TMCC3: variants seen among roughly 807,000 people sequenced by gnomAD.
The protein encoded by TMCC3 is transmembrane and coiled-coil domain family 3, also known as transmembrane and coiled-coil domain protein 3.
A neutral mutation model predicts 40.2 loss-of-function variants in TMCC3; 28 were observed. The ratio of observed to expected loss-of-function variants is 0.70; its 90% CI spans 0.52 to 0.95. TMCC3 has a LOEUF of 0.95. Among genes scored for constraint, TMCC3 ranks in the 40% least tolerant of loss-of-function variants. The pLI is 0.00. For synonymous variants in TMCC3, 255 were observed against 248.5 expected, an observed-to-expected ratio of 1.03 and a Z score of -0.25; for missense variants, 554 against 615.2, an observed-to-expected ratio of 0.90 and a Z score of 1.05.
chr12:94,590,285 T>TTTC (rs1246281454), intron 1 of TMCC3, among the ~76,000 whole-genome samples: 1 of 145,636 alleles, frequency 6.9e-6, no homozygotes, highest in South Asian at 2.2e-4. Flanking sequence ...TTTTTTTTTT[T>TTTC]AGAAGAGATG....
At chr12:94,631,462 C>T (rs988813795) in intron 1 of TMCC3, among the ~76,000 whole-genome samples, 4 of 152,170 alleles carry the variant, frequency 2.6e-5, no homozygotes, top group South Asian at 2.1e-4. Flanking sequence ...GACACAGACA[C>T]GTAGAGGGAA....
chr12:94,627,723 G>A (rs1384403931), intron 1 of TMCC3, among the ~76,000 whole-genome samples: 4 of 152,196 alleles, frequency 2.6e-5, no homozygotes, highest in Non-Finnish European at 5.9e-5. Context: ...CCTGACAAGA[G>A]CTTTCTTTGA....
rs534661608 is a variant in TMCC3, at chr12:94,631,038, C to T, written c.78+19315G>A. Among the ~76,000 whole-genome samples, 63 of 152,256 alleles carry T rather than the reference C, an allele frequency of 4.1e-4. 1 individual carries two copies. The highest frequency in any genetic ancestry group is 1.5e-3 in the South Asian group (7 of 4,814). On this transcript the variant is annotated intron_variant, in intron 1 of 3. Transcript: ENST00000261226. ...GATTACATGCGTGAGCCACGGTGCC[C>T]GGCATAAATGTTTTCAATCAACATA...
At chr12:94,577,467 C>T (rs1193997752) in intron 3 of TMCC3, among the ~76,000 whole-genome samples, 7 of 152,066 alleles carry the variant, frequency 4.6e-5, no homozygotes, top group Admixed American at 2.6e-4. Context: ...TGAGCCACCG[C>T]GCCTGGCCAT....
chr12:94,575,447 G>A (rs542713232), intron 3 of TMCC3, among the ~76,000 whole-genome samples: 7 of 152,230 alleles, frequency 4.6e-5, no homozygotes, highest in African/African-American at 1.4e-4. Context: ...GGAAACTGAG[G>A]CACAGAGCAC....
intron 1 of TMCC3, among the ~76,000 whole-genome samples, chr12:94,628,835 T>C (rs2068917285): frequency 6.6e-6 from 1 of 152,246 alleles, no homozygotes; most frequent in South Asian, 2.1e-4. Context: ...CGTTCTGCTC[T>C]GAAATTCTAC....
At chr12:94,624,066 C>T (rs924739760) in intron 1 of TMCC3, among the ~76,000 whole-genome samples, 3 of 152,104 alleles carry the variant, frequency 2.0e-5, no homozygotes, top group African/African-American at 4.8e-5. Flanking sequence ...TTAAAATCAC[C>T]CAAAACTGCA....
At chr12:94,592,842 T>A (rs1234817152) in intron 1 of TMCC3, among the ~76,000 whole-genome samples, 1 of 151,492 alleles carries the variant, frequency 6.6e-6, no homozygotes, top group Non-Finnish European at 1.5e-5. Flanking sequence ...TTTAAGAGTC[T>A]CAAAAACAAA....
chr12:94,641,559 C>CT (rs2068991118), intron 1 of TMCC3, among the ~76,000 whole-genome samples: 1 of 152,220 alleles, frequency 6.6e-6, no homozygotes, highest in Admixed American at 6.5e-5. Context: ...CAAGTCCTGT[C>CT]TTTCCCCTAG....
chr12:94,571,505 A>G lies in TMCC3; in HGVS notation c.1364T>C (p.Leu455Pro). The change falls in exon 4 of 4, where the codon CTT becomes CCT. Residue 455 changes from leucine (L) to proline (P), a missense_variant. Leu to Pro is a moderately conservative substitution (Grantham distance 98). Coordinates refer to ENST00000261226, the MANE Select transcript of TMCC3 (RefSeq NM_020698.4). ...HILGTFFAVT[L>P]LAIFCKNWDH... ...CCAGTTTTTACAAAATATAGCAAGA[A>G]GAGTCACGGCAAAGAAGGTGCCAAG... is the stretch of plus-strand genomic sequence containing the variant. 1 of 1,614,218 alleles carries G rather than the reference A, an allele frequency of 6.2e-7. No homozygotes were observed. Among genetic ancestry groups the G allele is most frequent in the Non-Finnish European group, 8.5e-7 (1 of 1,180,030 alleles).
intron 3 of TMCC3, among the ~76,000 whole-genome samples, chr12:94,578,030 C>T (rs1291548839): frequency 2.0e-5 from 3 of 150,720 alleles, no homozygotes; most frequent in Non-Finnish European, 4.4e-5. Flanking sequence ...GTGCCTATAG[C>T]CCCAGCTACT....
At chr12:94,615,703 TAAG>T (rs2068843985) in intron 1 of TMCC3, among the ~76,000 whole-genome samples, 1 of 152,124 alleles carries the variant, frequency 6.6e-6, no homozygotes, top group African/African-American at 2.4e-5. Context: ...GACATAACAA[TAAG>T]GAGACTGGTG....
chr12:94,629,629 G>A (rs11107628), intron 1 of TMCC3, among the ~76,000 whole-genome samples: 32,658 of 152,016 alleles, frequency 0.21, 3,934 homozygotes, highest in Non-Finnish European at 0.27. Flanking sequence ...TGGCCCTGTC[G>A]GAGAAGAAAG....
intron 1 of TMCC3, among the ~76,000 whole-genome samples, chr12:94,599,890 T>C (rs1336832780): frequency 6.6e-6 from 1 of 152,142 alleles, no homozygotes; most frequent in Non-Finnish European, 1.5e-5. Context: ...AGCCTACTTT[T>C]TGAGAGTATT....
At chr12:94,648,387 C>A (rs2069032666) in intron 1 of TMCC3, among the ~76,000 whole-genome samples, 1 of 152,094 alleles carries the variant, frequency 6.6e-6, no homozygotes, top group Non-Finnish European at 1.5e-5. Flanking sequence ...CCACCACGCC[C>A]GGCTAATTTT....
chr12:94,648,112 G>A (rs1190815234), intron 1 of TMCC3, among the ~76,000 whole-genome samples: 2 of 152,002 alleles, frequency 1.3e-5, no homozygotes, highest in Non-Finnish European at 2.9e-5. Flanking sequence ...ACGATAATCC[G>A]CACATATAAT....
chr12:94,576,872 A>T (rs1490568691), intron 3 of TMCC3, among the ~76,000 whole-genome samples: 1 of 152,080 alleles, frequency 6.6e-6, no homozygotes, highest in Non-Finnish European at 1.5e-5. Flanking sequence ...AACTTTGTTT[A>T]TATTGATCCC....
chr12:94,606,479 G>A (rs1381311948), intron 1 of TMCC3, among the ~76,000 whole-genome samples: 9 of 151,028 alleles, frequency 6.0e-5, no homozygotes, highest in African/African-American at 2.2e-4. Context: ...TGATTCTCCT[G>A]TCTCAGCCTC....
chr12:94,635,696 G>A (rs576323640), intron 1 of TMCC3, among the ~76,000 whole-genome samples: 1 of 131,654 alleles, frequency 7.6e-6, no homozygotes, highest in East Asian at 2.2e-4. Context: ...GACGGAGTCT[G>A]GCTCTGTTGC....
Sources: gnomAD v4.1 joint callset for allele counts (sites outside exome capture counted in the v4.1 genomes callset) on GRCh38, gnomAD v4.1.1 for gene constraint, MANE v1.5 for transcripts, NCBI Gene and HGNC (gene_info 2026-07-23, HGNC 2026-07-21) for gene names.